The following ZCWPW2 variants were observed in gnomAD, a reference collection of about 807,000 sequenced individuals.
ZCWPW2 encodes the protein zinc finger CW-type PWWP domain protein 2.
In ZCWPW2, 45 loss-of-function variants were observed where a neutral mutation model predicts 46.6. The ratio of observed to expected loss-of-function variants is 0.96; its 90% CI spans 0.76 to 1.24. The LOEUF (loss-of-function observed/expected upper bound fraction) is 1.24. Ranked by LOEUF, ZCWPW2 falls within the 50% of genes most tolerant of loss-of-function variation. The pLI is 0.00. For synonymous variants in ZCWPW2, 152 were observed against 137.1 expected (o/e 1.11, Z -0.76); for missense variants, 429 against 403.9 (o/e 1.06, Z -0.53).
At chr3:28,367,230 T>C (rs1249719032) in intron 1 of ZCWPW2, among the ~76,000 whole-genome samples, 1 of 152,162 alleles carries the variant, frequency 6.6e-6, no homozygotes, top group Non-Finnish European at 1.5e-5. Flanking sequence ...CTTTTAATTG[T>C]GATGTTAGGG....
At chr3:28,364,853 G>C (rs529114896) in intron 1 of ZCWPW2, among the ~76,000 whole-genome samples, 2 of 151,940 alleles carry the variant, frequency 1.3e-5, no homozygotes, top group Admixed American at 6.6e-5. Flanking sequence ...TTTAATGATC[G>C]TCATTCTAAC....
intron 1 of ZCWPW2, among the ~76,000 whole-genome samples, chr3:28,363,243 A>T (rs1047747453): frequency 2.0e-5 from 3 of 152,134 alleles, no homozygotes; most frequent in Non-Finnish European, 1.5e-5. Flanking sequence ...GAATAACAAA[A>T]TAACTGATAT....
intron 3 of ZCWPW2, among the ~76,000 whole-genome samples, chr3:28,421,683 A>T (rs1056977604): frequency 2.0e-5 from 3 of 151,924 alleles, no homozygotes; most frequent in Non-Finnish European, 2.9e-5. Flanking sequence ...AAGTCACAGG[A>T]TCCCTAGCCA....
intron 6 of ZCWPW2, among the ~76,000 whole-genome samples, chr3:28,502,038 A>G (rs547476852): frequency 2.6e-5 from 4 of 152,250 alleles, no homozygotes; most frequent in African/African-American, 7.2e-5. Flanking sequence ...AGTTCTTTTC[A>G]TACTAATTTC....
chr3:28,464,315 C>A (rs527921828), intron 4 of ZCWPW2, among the ~76,000 whole-genome samples: 1 of 151,916 alleles, frequency 6.6e-6, no homozygotes, highest in Non-Finnish European at 1.5e-5. Flanking sequence ...ATGGGAAGAG[C>A]CAGGGGTCAG....
intron 1 of ZCWPW2, among the ~76,000 whole-genome samples, chr3:28,357,610 G>GT (rs2125690305): frequency 6.6e-6 from 1 of 151,766 alleles, no homozygotes; most frequent in African/African-American, 2.4e-5. Flanking sequence ...GATCTGGGAC[G>GT]TAAGTTTTCT....
chr3:28,515,714 C>A, intron 8 of ZCWPW2, 93 bp downstream of exon 8: 1 of 945,874 alleles, frequency 1.1e-6, no homozygotes, highest in Non-Finnish European at 1.5e-6. Context: ...AAAAAGATTT[C>A]CTGTGTGTGT....
In ZCWPW2 at chr3:28,520,917, G is replaced by T. The variant is rs568419281; in HGVS notation, c.785-75G>T. Reference sequence around the variant, plus strand: ...AGCATTTAAAAGATTTCTTCTTTCTGGGTAGTTAAGATTATGAATTAGATT... The same window carrying T: ...AGCATTTAAAAGATTTCTTCTTTCTTGGTAGTTAAGATTATGAATTAGATT... On this transcript the variant is annotated intron_variant, in intron 8 of 9. Coordinates refer to ENST00000383768, the MANE Select transcript of ZCWPW2 (RefSeq NM_001040432.4). The T allele has an allele frequency of 3.2e-4, 492 of 1,541,382 alleles. 10 individuals carry two copies. The South Asian group carries it at 5.2e-3, about 16-fold the overall frequency.
chr3:28,492,872 A>G (rs1227684266), intron 6 of ZCWPW2, among the ~76,000 whole-genome samples: 1 of 152,060 alleles, frequency 6.6e-6, no homozygotes, highest in Non-Finnish European at 1.5e-5. Context: ...TGAAAAGCCT[A>G]TGGTGAGATT....
At chr3:28,421,834 T>TTG (rs71087697) in intron 3 of ZCWPW2, among the ~76,000 whole-genome samples, 32,725 of 133,546 alleles carry the variant, frequency 0.25, 4,075 homozygotes, top group African/African-American at 0.33. Context: ...GGAGAATAGT[T>TTG]TGTGTGTGTG....
At chr3:28,450,709 A>G (rs991758070) in intron 4 of ZCWPW2, among the ~76,000 whole-genome samples, 1 of 152,144 alleles carries the variant, frequency 6.6e-6, no homozygotes, top group African/African-American at 2.4e-5. Flanking sequence ...TTATCATTGT[A>G]TGTAAGATAT....
intron 1 of ZCWPW2, among the ~76,000 whole-genome samples, chr3:28,371,463 G>T (rs1203651989): frequency 1.3e-5 from 2 of 151,980 alleles, no homozygotes; most frequent in African/African-American, 4.8e-5. Flanking sequence ...CTTACTAAAG[G>T]CCAAGGAGTT....
intron 1 of ZCWPW2, chr3:28,351,471 T>A (rs2125683976): frequency 6.6e-6 from 1 of 151,726 alleles, no homozygotes; most frequent in South Asian, 2.1e-4. Flanking sequence ...TGACTGTAGC[T>A]TAGCCTTTTT....
intron 1 of ZCWPW2, among the ~76,000 whole-genome samples, chr3:28,389,090 T>A (rs893969001): frequency 1.1e-4 from 17 of 152,152 alleles, no homozygotes; most frequent in African/African-American, 4.1e-4. Context: ...TGTCTCCTAG[T>A]GGAAGCATTT....
chr3:28,403,367 T>C (rs1041177806), intron 2 of ZCWPW2, among the ~76,000 whole-genome samples: 11 of 152,090 alleles, frequency 7.2e-5, no homozygotes, highest in Non-Finnish European at 8.8e-5. Flanking sequence ...CAAGGAAAAC[T>C]ACATAACACT....
chr3:28,372,381 C>T (rs1705364267), intron 1 of ZCWPW2, among the ~76,000 whole-genome samples: 1 of 151,892 alleles, frequency 6.6e-6, no homozygotes, highest in South Asian at 2.1e-4. Context: ...GGAAAATAAG[C>T]AAATCATGAA....
At chr3:28,450,447 T>A (rs1029484726) in intron 4 of ZCWPW2, among the ~76,000 whole-genome samples, 2 of 152,216 alleles carry the variant, frequency 1.3e-5, no homozygotes, top group African/African-American at 4.8e-5. Context: ...GTTTATAGCA[T>A]GTTTAAGTTG....
intron 1 of ZCWPW2, among the ~76,000 whole-genome samples, chr3:28,371,225 C>A (rs1559477281): frequency 1.3e-5 from 2 of 151,954 alleles, no homozygotes; most frequent in Non-Finnish European, 2.9e-5. Context: ...AACATTCTAC[C>A]AGTTTTGTTA....
chr3:28,429,727 T>A (rs1446179830), intron 3 of ZCWPW2, among the ~76,000 whole-genome samples: 1 of 152,166 alleles, frequency 6.6e-6, no homozygotes. Context: ...AGTGCCTTGC[T>A]GCTTTGTGTA....
Sources: allele counts gnomAD v4.1 joint callset (sites outside exome capture counted in the v4.1 genomes callset), GRCh38; gene constraint gnomAD v4.1.1; transcripts MANE v1.5; gene names NCBI Gene and HGNC (gene_info 2026-07-23, HGNC 2026-07-21).